Variants in PDK1 observed in about 807,000 individuals in gnomAD.
PDK1 encodes pyruvate dehydrogenase kinase 1.
A neutral mutation model predicts 54.2 loss-of-function variants in PDK1; 39 were observed. That is an observed-to-expected ratio of 0.72 (90% CI 0.56 to 0.94). PDK1 has a LOEUF of 0.94. Ranked by LOEUF, PDK1 falls within the 40% of genes least tolerant of loss-of-function variation. The pLI, the probability that PDK1 is intolerant of heterozygous loss-of-function variation, is 0.00. For missense variants in PDK1, 552 were observed against 566.0 expected (o/e 0.98, Z 0.25); for synonymous variants, 221 against 207.1 (o/e 1.07, Z -0.58).
At chr2:172,555,745 GGAAGGGGACGCTCCATACC>G (rs1688272519), upstream of PDK1, 1 of 161,566 alleles carries the variant, frequency 6.2e-6, no homozygotes, top group African/African-American at 2.4e-5. Context: ...AAAGGGTGCG[GGAAGGGGACGCTCCATACC>G]GCCTCGCCTC....
In PDK1 at chr2:172,562,322, A is replaced by T. The variant is rs751245152; in HGVS notation, c.410+31A>T. On this transcript the variant is annotated intron_variant, in intron 3 of 10. Coordinates refer to ENST00000282077, the MANE Select transcript of PDK1 (RefSeq NM_002610.5). Reference sequence around the variant, plus strand: ...TTCACTATTTTGACCCTATTCTTAAACCTATTATTAGGTCACTTGGGGGAA... The same window carrying T: ...TTCACTATTTTGACCCTATTCTTAATCCTATTATTAGGTCACTTGGGGGAA... 78 of 1,328,120 alleles carry T rather than the reference A, an allele frequency of 5.9e-5. No individual in the cohort carries two copies. The East Asian group carries it at 6.9e-4, about 12-fold the overall frequency. The allele number at this position is 1,328,120 out of a possible 1,614,324, so 82.3% of individuals were successfully genotyped here. A position where few individuals can be genotyped will look rare whatever the true frequency, so the allele number is the denominator to read the frequency against.
intron 8 of PDK1, among the ~76,000 whole-genome samples, chr2:172,577,491 A>G (rs1352670738): frequency 2.0e-5 from 3 of 152,230 alleles, no homozygotes; most frequent in Admixed American, 6.5e-5. Flanking sequence ...TTTGTCTTCA[A>G]TATATGTCAT....
At chr2:172,692,268 G>A in the PDK1 span, among the ~76,000 whole-genome samples, 5 of 152,054 alleles carry the variant, frequency 3.3e-5, no homozygotes, top group Non-Finnish European at 7.4e-5. Context: ...TATGTATTTT[G>A]GTATTGATGA....
the PDK1 span, among the ~76,000 whole-genome samples, chr2:172,615,120 C>G: frequency 6.6e-6 from 1 of 152,156 alleles, no homozygotes; most frequent in Non-Finnish European, 1.5e-5. Flanking sequence ...TGCTCCCTGC[C>G]GCAAGGGGTT....
the PDK1 span, among the ~76,000 whole-genome samples, chr2:172,649,238 C>T: frequency 6.6e-6 from 1 of 152,180 alleles, no homozygotes; most frequent in Non-Finnish European, 1.5e-5. Flanking sequence ...GAGTGGACCT[C>T]CAGCAAACTC....
In PDK1 at chr2:172,601,015, A is replaced by G. The variant is rs2149313654; in HGVS notation, c.*5046A>G. 1 of 152,308 alleles carries G rather than the reference A, an allele frequency of 6.6e-6. No homozygotes were observed. Among genetic ancestry groups the G allele is most frequent in the South Asian group, 2.1e-4 (1 of 4,818 alleles). 9.4% of individuals were successfully genotyped at this position (152,308 alleles called of 1,614,324 possible). ...TACTGGGGTTAACTGCATGAGGTCAAAAAGAGCTATATTTGAGCTGCTGTT... is the reference window on the plus strand; with the variant it reads ...TACTGGGGTTAACTGCATGAGGTCAGAAAGAGCTATATTTGAGCTGCTGTT... On this transcript the variant is annotated 3_prime_UTR_variant, in exon 11 of 11. Transcript: ENST00000282077.
chr2:172,623,235 GT>G, the PDK1 span, among the ~76,000 whole-genome samples: 1 of 152,080 alleles, frequency 6.6e-6, no homozygotes, highest in African/African-American at 2.4e-5. Flanking sequence ...TAATAGCAGT[GT>G]GATGCCATAG....
At chr2:172,594,549 G>A (rs980263110) in intron 10 of PDK1, among the ~76,000 whole-genome samples, 3 of 152,190 alleles carry the variant, frequency 2.0e-5, no homozygotes, top group Non-Finnish European at 2.9e-5. Context: ...ATCCTGGGCC[G>A]CATGCAGCCT....
the PDK1 span, among the ~76,000 whole-genome samples, chr2:172,661,429 GTC>G: frequency 6.0e-4 from 91 of 152,326 alleles, 1 homozygote; most frequent in East Asian, 8.1e-3. Flanking sequence ...TTTGGTGCCC[GTC>G]TGGGGGAAAT....
chr2:172,639,814 A>G, the PDK1 span, among the ~76,000 whole-genome samples: 1 of 152,174 alleles, frequency 6.6e-6, no homozygotes, highest in Non-Finnish European at 1.5e-5. Context: ...CAAACAAACA[A>G]ACAAAATCAG....
At chr2:172,627,763 G>T in the PDK1 span, among the ~76,000 whole-genome samples, 11 of 152,174 alleles carry the variant, frequency 7.2e-5, no homozygotes, top group Non-Finnish European at 2.9e-5. Context: ...AGAATCAAGG[G>T]ATATTTGGTT....
the PDK1 span, among the ~76,000 whole-genome samples, chr2:172,662,769 G>C: frequency 7.3e-5 from 11 of 151,630 alleles, no homozygotes; most frequent in African/African-American, 2.2e-4. Flanking sequence ...TTTTTCCTTA[G>C]GAGAAATTTC....
chr2:172,558,064 A>T (rs1162100853), intron 1 of PDK1: 1 of 152,254 alleles, frequency 6.6e-6, no homozygotes, highest in Non-Finnish European at 1.5e-5. Flanking sequence ...CGCTGGGCTC[A>T]AACAGTCCTC....
the PDK1 span, among the ~76,000 whole-genome samples, chr2:172,715,584 T>C: frequency 6.6e-6 from 1 of 152,168 alleles, no homozygotes; most frequent in African/African-American, 2.4e-5. Context: ...GCTTGAGTTG[T>C]TATGTGACAA....
chr2:172,579,394 C>T (rs1689755606), intron 8 of PDK1, among the ~76,000 whole-genome samples: 3 of 152,134 alleles, frequency 2.0e-5, no homozygotes, highest in Admixed American at 1.3e-4. Flanking sequence ...AAAATGCTTA[C>T]TGTTCTTATA....
In PDK1 at chr2:172,556,101, G is replaced by A. The variant is rs1395750748; in HGVS notation, c.-50G>A. ...GTCCCTCACGTACCACTCGGCAGAG[G>A]CGCGGGGAAACCTGGCGTACTGGCT... On this transcript the variant is annotated 5_prime_UTR_variant, in exon 1 of 11. Coordinates refer to ENST00000282077, the MANE Select transcript of PDK1 (RefSeq NM_002610.5). 3.8e-6 allele frequency: 5 copies of A among 1,313,322 alleles called. No homozygotes were observed. The highest frequency in any genetic ancestry group is 4.1e-5 in the Admixed American group (1 of 24,660). 81.4% of individuals were successfully genotyped at this position (1,313,322 alleles called of 1,614,324 possible). A position where few individuals can be genotyped will look rare whatever the true frequency, so the allele number is the denominator to read the frequency against.
chr2:172,595,863 T>C lies in PDK1; in HGVS notation c.1205T>C (p.Val402Ala), dbSNP rs1480105554. 3 of 1,613,864 alleles carry C rather than the reference T, an allele frequency of 1.9e-6. No homozygotes were observed. The highest frequency in any genetic ancestry group is 2.2e-5 in the East Asian group (1 of 44,878). ...LSTDSIERLPVYNKAAWKHYN... is the reference protein window; with the variant it reads ...LSTDSIERLPAYNKAAWKHYN... ...ACAGACTCAATAGAAAGACTCCCAG[T>C]GTATAACAAAGCTGCCTGGAAGCAT... The change falls in exon 11 of 11, where the codon GTG becomes GCG. Residue 402 changes from valine to alanine, a missense_variant. Transcript: ENST00000282077.
At chr2:172,692,079 G>T in the PDK1 span, among the ~76,000 whole-genome samples, 1 of 152,170 alleles carries the variant, frequency 6.6e-6, no homozygotes, top group African/African-American at 2.4e-5. Context: ...TAATCAGCCT[G>T]CCCATGCTTG....
At chr2:172,678,430 T>C in the PDK1 span, among the ~76,000 whole-genome samples, 1 of 152,062 alleles carries the variant, frequency 6.6e-6, no homozygotes, top group Non-Finnish European at 1.5e-5. Flanking sequence ...GGGAGTGGGA[T>C]TGGTGGTTGG....
Sources: gnomAD v4.1 joint callset for allele counts (sites outside exome capture counted in the v4.1 genomes callset) on GRCh38, gnomAD v4.1.1 for gene constraint, MANE v1.5 for transcripts, NCBI Gene and HGNC (gene_info 2026-07-23, HGNC 2026-07-21) for gene names.